The following MICAL3 variants were observed in gnomAD, a reference collection of about 807,000 sequenced individuals.
MICAL3 encodes the protein microtubule associated monooxygenase, calponin and LIM domain containing 3, also known as [F-actin]-monooxygenase MICAL3.
In MICAL3, 62 loss-of-function variants were observed where a neutral mutation model predicts 207.4. The observed-to-expected ratio is 0.30, with a 90% CI of 0.24 to 0.37. The LOEUF is 0.37. Among genes scored for constraint, MICAL3 ranks in the 10% least tolerant of loss-of-function variants. MICAL3 has a pLI of 1.00. For missense variants in MICAL3, 2,368 were observed against 2,635.6 expected (o/e 0.90, Z 2.22); for synonymous variants, 1,077 against 1,069.3 (o/e 1.01, Z -0.14).
chr22:17,879,390 G>T (rs1378847267), intron 16 of MICAL3: 3 of 1,612,396 alleles, frequency 1.9e-6, no homozygotes, highest in Non-Finnish European at 2.5e-6. Flanking sequence ...TCAGCATCAA[G>T]ATCCCTGTAT....
At chr22:17,877,540 T>TGGAGGTTAGGGAGGTTAG (rs1416121017) in intron 16 of MICAL3, among the ~76,000 whole-genome samples, 2 of 97,984 alleles carry the variant, frequency 2.0e-5, no homozygotes. Flanking sequence ...AGGGAGGTTA[T>TGGAGGTTAGGGAGGTTAG]GGAGGTGAGG....
rs1294596958 is a variant in MICAL3, at chr22:17,902,387, C to CAAAGAA, written c.589+238_589+243dup. On this transcript the variant is annotated intron_variant, in intron 4 of 31. Coordinates refer to ENST00000441493, the MANE Select transcript of MICAL3 (RefSeq NM_015241.3). This position sits in a 1 kb window ranked among gnomAD's most constrained non-coding sequence, Gnocchi z 4.5. The stretch of plus-strand genomic sequence containing the variant: ...GCGACAGAGTGAGACTCTCATCTAA[C>CAAAGAA]AAAGAAAAAGCAGTGGGGACAAACC... Among the ~76,000 whole-genome samples the CAAAGAA allele has an allele frequency of 6.6e-6, 1 of 152,182 alleles. No individual in the cohort carries two copies.
chr22:17,874,798 ATC>A (rs1450896492), intron 16 of MICAL3, among the ~76,000 whole-genome samples: 29 of 152,276 alleles, frequency 1.9e-4, no homozygotes, highest in Non-Finnish European at 3.5e-4. Flanking sequence ...AGACCTTCCA[ATC>A]TCTCTAGAAA....
chr22:17,865,031 A>T (rs766812331), intron 18 of MICAL3, 45 bp from the exon 19 acceptor site: 1 of 1,557,102 alleles, frequency 6.4e-7, no homozygotes, highest in Non-Finnish European at 8.7e-7. Flanking sequence ...TGACTGATGC[A>T]CTCAAATCCT....
intron 1 of MICAL3, among the ~76,000 whole-genome samples, chr22:17,955,607 T>G (rs1934572907): frequency 6.6e-6 from 1 of 152,228 alleles, no homozygotes; most frequent in South Asian, 2.1e-4. Context: ...ACACACTTAT[T>G]CCCACCTTCC....
intron 23 of MICAL3, among the ~76,000 whole-genome samples, 179 bp from the exon 24 acceptor site, chr22:17,822,349 C>T (rs761074553): frequency 3.3e-5 from 5 of 152,250 alleles, no homozygotes; most frequent in East Asian, 1.9e-4. Context: ...CTGAGGGGCC[C>T]GGCCAAGAGC....
At chr22:17,985,603 A>C (rs8139817) in intron 1 of MICAL3, among the ~76,000 whole-genome samples, 50,811 of 151,868 alleles carry the variant, frequency 0.33, 9,725 homozygotes, top group African/African-American at 0.52. Context: ...TTTTCAAAGC[A>C]TGCCTGCCCA....
chr22:17,818,195 G>T lies in MICAL3; in HGVS notation c.4466C>A (p.Pro1489His). The T allele has an allele frequency of 1.9e-6, 3 of 1,562,740 alleles. No homozygotes were observed. The highest frequency in any genetic ancestry group is 2.6e-6 in the Non-Finnish European group (3 of 1,160,122). The change falls in exon 26 of 32, where the codon CCC (proline) becomes CAC (histidine). Residue 1489 changes from proline (P) to histidine (H), a missense_variant. Physicochemically the swap from Pro to His is moderately conservative, Grantham distance 77. This residue lies in a region of MICAL3 where 1,770 missense variants were observed against 1,863.2 expected (regional missense o/e 0.95). Coordinates refer to ENST00000441493, the MANE Select transcript of MICAL3 (RefSeq NM_015241.3). ...AEPNASVVPPPLPATWMRPPR... is the reference protein window; with the variant it reads ...AEPNASVVPPHLPATWMRPPR... The stretch of plus-strand genomic sequence containing the variant: ...GGGCCGCATCCAGGTGGCGGGCAAG[G>T]GCGGCGGGACCACCGAGGCATTGGG...
At chr22:17,878,301 A>G (rs1399258971) in intron 16 of MICAL3, among the ~76,000 whole-genome samples, 2 of 152,198 alleles carry the variant, frequency 1.3e-5, no homozygotes, top group Non-Finnish European at 2.9e-5. Context: ...AAGAAGAGAG[A>G]AAGAGGCTGG....
At chr22:17,829,897 G>A (rs565888886) in intron 21 of MICAL3, among the ~76,000 whole-genome samples, 2 of 52,658 alleles carry the variant, frequency 3.8e-5, no homozygotes, top group African/African-American at 1.8e-4. Flanking sequence ...GCGCCTGACT[G>A]TCTGGGCAGG....
chr22:17,876,331 G>A (rs1291924457), intron 16 of MICAL3: 2 of 152,244 alleles, frequency 1.3e-5, no homozygotes, highest in African/African-American at 4.8e-5. Context: ...TTACAGGTGG[G>A]AAGGACAGCA....
chr22:17,810,276 G>A lies in MICAL3; in HGVS notation c.5556+427C>T, dbSNP rs548046583. Among the ~76,000 whole-genome samples the A allele has an allele frequency of 8.0e-4, 121 of 152,116 alleles. 1 individual carries two copies. Among genetic ancestry groups the A allele is most frequent in the African/African-American group, 2.8e-3 (115 of 41,494 alleles). ...ACGGGGGTTTCACCGTGTTAGCCAG[G>A]ATGGTCTCAATCTCCTGACCTTGTG... is the stretch of plus-strand genomic sequence containing the variant. On this transcript the variant is annotated intron_variant, in intron 28 of 31. Transcript: ENST00000441493.
intron 1 of MICAL3, among the ~76,000 whole-genome samples, chr22:17,974,712 A>T (rs1244540864): frequency 6.8e-6 from 1 of 147,626 alleles, no homozygotes; most frequent in Non-Finnish European, 1.5e-5. Context: ...TAACAGAGCA[A>T]GACTCCGTCT....
intron 16 of MICAL3, among the ~76,000 whole-genome samples, chr22:17,878,633 C>T (rs1013668406): frequency 1.2e-4 from 18 of 152,250 alleles, no homozygotes; most frequent in African/African-American, 4.1e-4. Flanking sequence ...TGATTCTTCC[C>T]GCTAGCTGCA....
intron 1 of MICAL3, chr22:18,006,121 GCTTT>G (rs1384462673): frequency 6.6e-6 from 1 of 152,170 alleles, no homozygotes; most frequent in African/African-American, 2.4e-5. Context: ...TTATCTGAGT[GCTTT>G]CTTTATGCAT....
At chr22:17,879,550 C>G (rs1028976756) in intron 16 of MICAL3, 2 of 613,278 alleles carry the variant, frequency 3.3e-6, no homozygotes, top group Non-Finnish European at 5.5e-6. Context: ...AACCATAATC[C>G]CATCTGTATC....
At position 17,790,563 on chromosome 22, in the gene MICAL3, G is replaced by A; in HGVS notation, c.*169C>T. 3 of 632,220 alleles carry A rather than the reference G, an allele frequency of 4.7e-6. No individual in the cohort carries two copies. The South Asian group carries it at 6.0e-5, about 13-fold the overall frequency. The allele number at this position is 632,220 out of a possible 1,614,324, so 39.2% of individuals were successfully genotyped here. On this transcript the variant is annotated 3_prime_UTR_variant, in exon 32 of 32. Coordinates refer to ENST00000441493, the MANE Select transcript of MICAL3 (RefSeq NM_015241.3). Reference sequence around the variant, plus strand: ...CCGTCTCAGATAACCACTGTCACCTGGGGCTCCCCACTGCACGCGGGACTC... The same window carrying A: ...CCGTCTCAGATAACCACTGTCACCTAGGGCTCCCCACTGCACGCGGGACTC...
intron 28 of MICAL3, among the ~76,000 whole-genome samples, chr22:17,809,784 A>T (rs1051721320): frequency 6.6e-6 from 1 of 152,254 alleles, no homozygotes; most frequent in African/African-American, 2.4e-5. Context: ...GAGGGGCCAC[A>T]AATGGACTCC....
intron 1 of MICAL3, among the ~76,000 whole-genome samples, chr22:17,915,743 A>G (rs1033562431): frequency 6.6e-6 from 1 of 152,100 alleles, no homozygotes; most frequent in East Asian, 1.9e-4. Context: ...CAACGGCACC[A>G]AGCTGAGCAG....
Sources: gnomAD v4.1 joint callset for allele counts (sites outside exome capture counted in the v4.1 genomes callset) on GRCh38, gnomAD v4.1.1 for gene constraint, gnomAD v4.1.1 regional missense constraint, Gnocchi (gnomAD v3.1) non-coding constraint, MANE v1.5 for transcripts, NCBI Gene and HGNC (gene_info 2026-07-23, HGNC 2026-07-21) for gene names.